Variants in INVS observed in about 807,000 individuals in gnomAD.
INVS encodes the protein inversion of embryo turning homolog.
Under a neutral mutation model 108.8 loss-of-function variants are expected in INVS, and 86 were observed. That is an observed-to-expected ratio of 0.79 (90% confidence interval 0.66 to 0.95). The LOEUF is 0.95. Among genes scored for constraint, INVS ranks in the 40% least tolerant of loss-of-function variants. The probability of loss-of-function intolerance (pLI) is 0.00; values close to 1 mark genes in which losing one functional copy is unlikely to be tolerated. For synonymous variants in INVS, 455 were observed against 473.5 expected (o/e 0.96, Z 0.51); for missense variants, 1,169 against 1,297.4 (o/e 0.90, Z 1.52).
intron 13 of INVS, 88 bp downstream of exon 13, chr9:100,284,691 A>T: frequency 7.2e-7 from 1 of 1,385,276 alleles, no homozygotes; most frequent in Non-Finnish European, 1.0e-6. Flanking sequence ...CACTTAAGAT[A>T]ATTGTTATAT....
At chr9:100,226,520 C>G (rs1038840504) in intron 4 of INVS, among the ~76,000 whole-genome samples, 1 of 151,994 alleles carries the variant, frequency 6.6e-6, no homozygotes, top group African/African-American at 2.4e-5. Context: ...GAATTCAAAT[C>G]TAGTCCTGTC....
chr9:100,159,614 A>G (rs1829106118), intron 3 of INVS, among the ~76,000 whole-genome samples: 2 of 152,220 alleles, frequency 1.3e-5, no homozygotes, highest in African/African-American at 4.8e-5. Context: ...CTAAACTATA[A>G]TAGAAGGCAG....
chr9:100,286,006 A>T (rs995396743), intron 13 of INVS, among the ~76,000 whole-genome samples: 1 of 152,220 alleles, frequency 6.6e-6, no homozygotes, highest in Non-Finnish European at 1.5e-5. Flanking sequence ...GACCTTATGG[A>T]CTTTCTCAGA....
Position 100,301,960 on chromosome 9 carries a change from T to C in INVS, c.*1286T>C, listed in dbSNP as rs776739567. 72 of 366,470 alleles carry C rather than the reference T, an allele frequency of 2.0e-4. No homozygotes were observed. Among genetic ancestry groups the C allele is most frequent in the Non-Finnish European group, 3.0e-4 (61 of 205,080 alleles). 22.7% of individuals were successfully genotyped at this position (366,470 alleles called of 1,614,324 possible). A position where few individuals can be genotyped will look rare whatever the true frequency, so the allele number is the denominator to read the frequency against. On this transcript the variant is annotated 3_prime_UTR_variant, in exon 17 of 17. Transcript: ENST00000262457. ...TTGTAAATATTTAGCTCCTATGAAATGCACAATGCACAACCGCCTATGACC... is the reference window on the plus strand; with the variant it reads ...TTGTAAATATTTAGCTCCTATGAAACGCACAATGCACAACCGCCTATGACC...
At chr9:100,189,781 G>T (rs890943518) in intron 3 of INVS, among the ~76,000 whole-genome samples, 10 of 151,532 alleles carry the variant, frequency 6.6e-5, no homozygotes, top group Non-Finnish European at 1.3e-4. Flanking sequence ...AATAGACGGG[G>T]GTCTTGCCAT....
chr9:100,267,576 G>C (rs1832832283), intron 11 of INVS, among the ~76,000 whole-genome samples: 1 of 152,192 alleles, frequency 6.6e-6, no homozygotes, highest in African/African-American at 2.4e-5. Context: ...CTAGTCAGTT[G>C]ATGAACAACG....
intron 3 of INVS, among the ~76,000 whole-genome samples, chr9:100,211,325 T>C (rs1433541314): frequency 6.6e-6 from 1 of 152,170 alleles, no homozygotes; most frequent in Non-Finnish European, 1.5e-5. Context: ...TTTTATAACT[T>C]TTTTCAATAT....
chr9:100,175,371 A>G lies in INVS; in HGVS notation c.273+48822A>G, dbSNP rs1439532358. The G allele has an allele frequency of 3.8e-6, 3 of 788,242 alleles. No individual in the cohort carries two copies. In the African/African-American group the frequency reaches 5.1e-5, roughly 13 times the overall value. The allele number at this position is 788,242 out of a possible 1,614,324, so 48.8% of individuals were successfully genotyped here. A position where few individuals can be genotyped will look rare whatever the true frequency, so the allele number is the denominator to read the frequency against. ...CACGAGTCCCAAAGGCAGACAACTC[A>G]CTTCTGCAGAGAAGAGCACCGCAAA... On this transcript the variant is annotated intron_variant, in intron 3 of 16. Coordinates refer to ENST00000262457, the MANE Select transcript of INVS (RefSeq NM_014425.5).
intron 1 of INVS, among the ~76,000 whole-genome samples, chr9:100,100,948 A>ATATATATTATATATAT (rs1826941009): frequency 4.6e-5 from 1 of 21,704 alleles, no homozygotes; most frequent in South Asian, 2.0e-3. Flanking sequence ...ATATATATAC[A>ATATATATTATATATAT]TATATATTAT....
chr9:100,246,882 G>A, intron 8 of INVS, 95 bp downstream of exon 8: 1 of 1,115,124 alleles, frequency 9.0e-7, no homozygotes, highest in South Asian at 1.2e-5. Flanking sequence ...TGAAATCATT[G>A]TTCCTAATCT....
At chr9:100,191,065 T>C (rs1468386028) in intron 3 of INVS, among the ~76,000 whole-genome samples, 1 of 152,114 alleles carries the variant, frequency 6.6e-6, no homozygotes, top group Non-Finnish European at 1.5e-5. Flanking sequence ...CTCTCTATGT[T>C]GCCCAAGCTG....
At chr9:100,126,961 T>G (rs1827904603) in intron 3 of INVS, among the ~76,000 whole-genome samples, 1 of 152,170 alleles carries the variant, frequency 6.6e-6, no homozygotes, top group African/African-American at 2.4e-5. Flanking sequence ...AATTTTTTCC[T>G]TAATGAGTAT....
chr9:100,242,830 T>C, intron 7 of INVS, 151 bp downstream of exon 7: 1 of 578,358 alleles, frequency 1.7e-6, no homozygotes, highest in Non-Finnish European at 3.1e-6. Context: ...TATTTATTTA[T>C]TTTTCCAATA....
intron 12 of INVS, among the ~76,000 whole-genome samples, chr9:100,276,572 G>C (rs542515722): frequency 3.9e-5 from 6 of 151,956 alleles, no homozygotes; most frequent in Non-Finnish European, 7.4e-5. Flanking sequence ...GCAGTGGCTC[G>C]ATCTCAGCTC....
rs537058677 is a variant in INVS, at chr9:100,221,295, A to C, written c.274-4767A>C. On this transcript the variant is annotated intron_variant, in intron 3 of 16. Transcript: ENST00000262457. ...GCTCATTCCCAAAGATTGAATTTGC[A>C]TACAGGACAATTTTTTTTTTTTTTT... Among the ~76,000 whole-genome samples, 13 of 144,836 alleles carry C rather than the reference A, an allele frequency of 9.0e-5. No individual in the cohort carries two copies. In the East Asian group the frequency reaches 1.6e-3, roughly 17 times the overall value.
At chr9:100,217,324 A>C (rs1408346447) in intron 3 of INVS, among the ~76,000 whole-genome samples, 2 of 152,114 alleles carry the variant, frequency 1.3e-5, no homozygotes, top group Admixed American at 6.5e-5. Context: ...AATAAAAGGA[A>C]GAAAGAAAGG....
At chr9:100,265,793 C>G (rs1832771959) in intron 11 of INVS, among the ~76,000 whole-genome samples, 1 of 152,096 alleles carries the variant, frequency 6.6e-6, no homozygotes, top group Non-Finnish European at 1.5e-5. Context: ...AAGGACCAAA[C>G]AGGCCAGGTG....
At chr9:100,131,565 A>G (rs1828056061) in intron 3 of INVS, among the ~76,000 whole-genome samples, 1 of 152,188 alleles carries the variant, frequency 6.6e-6, no homozygotes, top group African/African-American at 2.4e-5. Context: ...TTCTCACAAA[A>G]GATATCTAAT....
intron 3 of INVS, chr9:100,175,200 C>A: frequency 1.9e-6 from 1 of 533,650 alleles, no homozygotes; most frequent in South Asian, 1.9e-5. Flanking sequence ...CCAGCTTGTC[C>A]CCAAAACCTG....
Sources: gnomAD v4.1 joint callset for allele counts (sites outside exome capture counted in the v4.1 genomes callset) on GRCh38, gnomAD v4.1.1 for gene constraint, MANE v1.5 for transcripts, NCBI Gene and HGNC (gene_info 2026-07-23, HGNC 2026-07-21) for gene names.